The following ZNF440 variants were observed in gnomAD, a reference collection of about 807,000 sequenced individuals.
The protein encoded by ZNF440 is zinc finger protein 440.
Under a neutral mutation model 49.7 loss-of-function variants are expected in ZNF440, and 47 were observed. The ratio of observed to expected loss-of-function variants is 0.95; its 90% CI spans 0.75 to 1.21. ZNF440 has a LOEUF of 1.21. ZNF440 is among the 50% of genes most tolerant of loss of function. ZNF440 has a pLI of 0.00. For synonymous variants in ZNF440, 255 were observed against 237.7 expected (o/e 1.07, Z -0.67); for missense variants, 703 against 715.0 (o/e 0.98, Z 0.19).
rs369928806 is a variant in ZNF440 at position 11,832,663 on chromosome 19, C to T, written c.1487C>T (p.Ser496Leu). 5.5e-5 allele frequency: 89 copies of T among 1,613,572 alleles called. No individual in the cohort carries two copies. The highest frequency in any genetic ancestry group is 7.1e-5 in the Non-Finnish European group (84 of 1,179,888). The change falls in exon 4 of 4, where the codon TCA becomes TTA. Residue 496 changes from serine (S) to leucine (L), a missense_variant. Physicochemically the swap from Ser to Leu is moderately radical, Grantham distance 145 (BLOSUM62 -2). Transcript: ENST00000304060. ...YECKQRSVVP[S>L]VVPVPFDIMK... ...TGCAAGCAACGTTCAGTAGTTCCTTCAGTAGTTCCAGTTCCTTTTGATATC... is the reference window on the plus strand; with the variant it reads ...TGCAAGCAACGTTCAGTAGTTCCTTTAGTAGTTCCAGTTCCTTTTGATATC...
In ZNF440 at chr19:11,817,581, A is replaced by T. The variant is rs150590102; in HGVS notation, c.3+3131A>T. ...CACTGCACTCCAGCTTGGGTAACAG[A>T]GTGAGACCCCATCTCAAAAAACAAA... On this transcript the variant is annotated intron_variant, in intron 1 of 3. Coordinates refer to ENST00000304060, the MANE Select transcript of ZNF440 (RefSeq NM_152357.3). 5.6e-3 allele frequency: 856 copies of T among 152,338 alleles called. 8 individuals are homozygous for T. The highest frequency in any genetic ancestry group is 0.02 in the African/African-American group (819 of 41,498). 9.4% of individuals were successfully genotyped at this position (152,338 alleles called of 1,614,324 possible).
At chr19:11,817,986 G>C (rs576716569) in intron 1 of ZNF440, among the ~76,000 whole-genome samples, 1 of 152,126 alleles carries the variant, frequency 6.6e-6, no homozygotes, top group Non-Finnish European at 1.5e-5. Flanking sequence ...GAGGTGGGCG[G>C]ATCACTTGAG....
At chr19:11,817,942 G>A (rs1975752753) in intron 1 of ZNF440, among the ~76,000 whole-genome samples, 1 of 152,196 alleles carries the variant, frequency 6.6e-6, no homozygotes, top group South Asian at 2.1e-4. Flanking sequence ...AGGTGTGGTG[G>A]CTCACGCCTG....
intron 3 of ZNF440, 70 bp from the exon 4 acceptor site, chr19:11,831,298 C>A (rs1039912931): frequency 2.6e-6 from 4 of 1,538,106 alleles, no homozygotes; most frequent in Non-Finnish European, 3.5e-6. Context: ...AATGCAAGTG[C>A]AATACTTGTT....
Position 11,833,117 on chromosome 19 carries a change from C to A in ZNF440, c.*153C>A. 1 of 1,379,806 alleles carries A rather than the reference C, an allele frequency of 7.2e-7. No homozygotes were observed. The highest frequency in any genetic ancestry group is 1.2e-5 in the South Asian group (1 of 84,668). 85.5% of individuals were successfully genotyped at this position (1,379,806 alleles called of 1,614,324 possible). A position where few individuals can be genotyped will look rare whatever the true frequency, so the allele number is the denominator to read the frequency against. On this transcript the variant is annotated 3_prime_UTR_variant, in exon 4 of 4. Transcript: ENST00000304060. ...AGCCTTTGTTTCCTTCACTTCCTTT[C>A]GATATCATGAAAGGACTCACACTGG...
intron 1 of ZNF440, among the ~76,000 whole-genome samples, chr19:11,826,656 T>G (rs900509482): frequency 3.2e-5 from 4 of 126,662 alleles, no homozygotes; most frequent in African/African-American, 1.2e-4. Flanking sequence ...TTTTTAATTT[T>G]TTTTCCTTTT....
intron 1 of ZNF440, among the ~76,000 whole-genome samples, chr19:11,819,208 G>A (rs1380198026): frequency 6.6e-6 from 1 of 152,044 alleles, no homozygotes; most frequent in Non-Finnish European, 1.5e-5. Flanking sequence ...GGTCTTTCCT[G>A]TTTTCCCTCA....
At chr19:11,830,563 T>A (rs1975923518) in intron 2 of ZNF440, 54 bp from the exon 3 acceptor site, 3 of 1,602,524 alleles carry the variant, frequency 1.9e-6, no homozygotes, top group African/African-American at 2.7e-5. Context: ...ATCTAATAAT[T>A]TTTTCACAAT....
Position 11,831,729 on chromosome 19 carries a change from T to A in ZNF440, c.553T>A (p.Ser185Thr), listed in dbSNP as rs1975943092. ...ATGTGGAAAAACCTTTATTTCCCATTCAAGTGTTCGAAGACACATGGTAAT... is the reference window on the plus strand; with the variant it reads ...ATGTGGAAAAACCTTTATTTCCCATACAAGTGTTCGAAGACACATGGTAAT... ...KVCGKTFISH[S>T]SVRRHMVMHS... Residue 185 changes from serine to threonine, a missense_variant, in exon 4 of 4, where the codon TCA (serine) becomes ACA (threonine). Ser to Thr is a moderately conservative substitution (Grantham distance 58). Coordinates refer to ENST00000304060, the MANE Select transcript of ZNF440 (RefSeq NM_152357.3). 1 of 1,614,038 alleles carries A rather than the reference T, an allele frequency of 6.2e-7. No homozygotes were observed. The highest frequency in any genetic ancestry group is 8.5e-7 in the Non-Finnish European group (1 of 1,179,976).
At position 11,830,750 on chromosome 19, in the gene ZNF440, G is replaced by A; in HGVS notation, c.191+73G>A. On this transcript the variant is annotated intron_variant, in intron 3 of 3. Transcript: ENST00000304060. ...GAATATGACAATATATTAAAAATAA[G>A]TAAAACAAAGAACTAAGTCCAGGAT... 6 of 1,513,694 alleles carry A rather than the reference G, an allele frequency of 4.0e-6. No individual in the cohort carries two copies. In the East Asian group the frequency reaches 6.8e-5, roughly 17 times the overall value. 93.8% of individuals were successfully genotyped at this position (1,513,694 alleles called of 1,614,324 possible). A position where few individuals can be genotyped will look rare whatever the true frequency, so the allele number is the denominator to read the frequency against.
chr19:11,826,838 A>G (rs1291283068), intron 1 of ZNF440, among the ~76,000 whole-genome samples: 1 of 151,616 alleles, frequency 6.6e-6, no homozygotes, highest in Non-Finnish European at 1.5e-5. Flanking sequence ...CACTGTTTGT[A>G]TTATTAGTAG....
intron 1 of ZNF440, 185 bp from the exon 2 acceptor site, chr19:11,830,098 G>T: frequency 8.9e-7 from 1 of 1,129,086 alleles, no homozygotes; most frequent in East Asian, 2.7e-5. Context: ...CAACAAGAGT[G>T]AAAAAAAAAA....
chr19:11,829,370 G>A (rs1003865220), intron 1 of ZNF440, among the ~76,000 whole-genome samples: 7 of 150,482 alleles, frequency 4.7e-5, no homozygotes, highest in African/African-American at 1.7e-4. Context: ...GGTCCCTGGG[G>A]GTGTGGGATT....
chr19:11,816,632 C>CTTTG (rs1555690556), intron 1 of ZNF440: 2 of 152,074 alleles, frequency 1.3e-5, no homozygotes, highest in African/African-American at 4.8e-5. Flanking sequence ...TGGGAAGGTA[C>CTTTG]TTTGTTTTTG....
At chr19:11,814,557 G>A in intron 1 of ZNF440, 107 bp downstream of exon 1, 1 of 1,267,088 alleles carries the variant, frequency 7.9e-7, no homozygotes, top group Non-Finnish European at 1.0e-6. Flanking sequence ...CGGGGTCGTG[G>A]ACGCGAGTCC....
At chr19:11,814,530 C>T in intron 1 of ZNF440, 80 bp downstream of exon 1, 2 of 1,371,302 alleles carry the variant, frequency 1.5e-6, no homozygotes. Context: ...GGGACCCGGG[C>T]CTCCACGCGG....
Position 11,814,318 on chromosome 19 carries a change from C to G in ZNF440, c.-130C>G. 9.4e-7 allele frequency: 1 copy of G among 1,060,510 alleles called. No individual in the cohort carries two copies. 65.7% of individuals were successfully genotyped at this position (1,060,510 alleles called of 1,614,324 possible). On this transcript the variant is annotated 5_prime_UTR_variant, in exon 1 of 4. The change creates a new upstream start codon in the 5' untranslated region. Transcript: ENST00000304060. ...GTGCTGCGCCGACAGCGGTCAGGAT[C>G]TCGGCTTTCTTGCTTCGAGAGGGAC...
Position 11,832,206 on chromosome 19 carries a change from A to C in ZNF440, c.1030A>C (p.Ile344Leu), listed in dbSNP as rs775492282. The C allele has an allele frequency of 6.8e-6, 11 of 1,614,086 alleles. No individual in the cohort carries two copies. The highest frequency in any genetic ancestry group is 9.3e-6 in the Non-Finnish European group (11 of 1,180,042). Reference protein sequence around the residue: ...HSGERPYECKICGKDFCSVNS... With the variant: ...HSGERPYECKLCGKDFCSVNS... ...TGGAGAAAGACCTTATGAATGTAAG[A>C]TATGTGGAAAAGACTTTTGTTCTGT... is the stretch of plus-strand genomic sequence containing the variant. The change falls in exon 4 of 4, where the codon ATA becomes CTA. Residue 344 changes from isoleucine to leucine, a missense_variant. Transcript: ENST00000304060.
intron 1 of ZNF440, among the ~76,000 whole-genome samples, chr19:11,829,033 T>C (rs1036058226): frequency 2.6e-5 from 4 of 152,140 alleles, no homozygotes; most frequent in Non-Finnish European, 5.9e-5. Flanking sequence ...TGTATATGCT[T>C]ACCACATTTT....
Sources: allele counts gnomAD v4.1 joint callset (sites outside exome capture counted in the v4.1 genomes callset), GRCh38; gene constraint gnomAD v4.1.1; transcripts MANE v1.5; gene names NCBI Gene and HGNC (gene_info 2026-07-23, HGNC 2026-07-21).